ARL9: variants seen among roughly 807,000 people sequenced by gnomAD.
The protein encoded by ARL9 is ARF like GTPase 9.
In ARL9, 14 loss-of-function variants were observed where a neutral mutation model predicts 27.0. That is an observed-to-expected ratio of 0.52 (90% CI 0.34 to 0.81). The LOEUF (loss-of-function observed/expected upper bound fraction) is 0.81, where lower values mean the gene tolerates loss of function less well. Ranked by LOEUF, ARL9 falls within the 30% of genes least tolerant of loss-of-function variation. The probability of loss-of-function intolerance (pLI) is 0.01; values close to 1 mark genes in which losing one functional copy is unlikely to be tolerated. For synonymous variants in ARL9, 106 were observed against 108.7 expected, an observed-to-expected ratio of 0.98 and a Z score of 0.15; for missense variants, 294 against 290.0, an observed-to-expected ratio of 1.01 and a Z score of -0.10.
At chr4:56,513,029 C>G (rs1359171429) in intron 2 of ARL9, among the ~76,000 whole-genome samples, 1 of 152,208 alleles carries the variant, frequency 6.6e-6, no homozygotes, top group Non-Finnish European at 1.5e-5. Context: ...AACAAAAATG[C>G]ATTAAGTGCC....
chr4:56,518,678 T>C lies in ARL9; in HGVS notation c.443T>C (p.Ile148Thr). 1 of 1,611,562 alleles carries C rather than the reference T, an allele frequency of 6.2e-7. No individual in the cohort carries two copies. The highest frequency in any genetic ancestry group is 1.3e-5 in the African/African-American group (1 of 74,986). The part of the protein sequence containing the change: ...TEDSQMEFLE[I>T]GGSKPFRSYW... Reference sequence around the variant, plus strand: ...CTTCTTCCTCTACTATTCTCTGTAGTTGGTGGCAGTAAACCTTTTCGGTCC... The same window carrying C: ...CTTCTTCCTCTACTATTCTCTGTAGCTGGTGGCAGTAAACCTTTTCGGTCC... Residue 148 changes from isoleucine to threonine, a missense_variant and splice_region_variant, in exon 3 of 4, where the codon ATT becomes ACT. Ile to Thr is a moderately conservative substitution (Grantham distance 89, BLOSUM62 -1). Coordinates refer to ENST00000640821, the MANE Select transcript of ARL9 (RefSeq NM_001363794.2).
In ARL9 at chr4:56,518,756, C is replaced by T. The variant is rs1721837103; in HGVS notation, c.521C>T (p.Ser174Leu). Residue 174 changes from serine (S) to leucine (L), a missense_variant, in exon 3 of 4, where the codon TCA (serine) becomes TTA (leucine). Ser to Leu is a moderately radical substitution (Grantham distance 145). Coordinates refer to ENST00000640821, the MANE Select transcript of ARL9 (RefSeq NM_001363794.2). ...KGLLLIFVVD[S>L]ADHSRLPEAK... ...TTGCTGCTGATCTTTGTGGTGGATTCAGCAGATCACAGCCGATTACCTGAA... is the reference window on the plus strand; with the variant it reads ...TTGCTGCTGATCTTTGTGGTGGATTTAGCAGATCACAGCCGATTACCTGAA... The T allele has an allele frequency of 2.5e-6, 4 of 1,613,848 alleles. No homozygotes were observed. Among genetic ancestry groups the T allele is most frequent in the Non-Finnish European group, 3.4e-6 (4 of 1,179,888 alleles).
At chr4:56,505,582 C>A, upstream of ARL9, 1 of 585,982 alleles carries the variant, frequency 1.7e-6, no homozygotes, top group Admixed American at 2.3e-5. Flanking sequence ...CTGGTTGGGA[C>A]CTCTTGGTTT....
In ARL9 at chr4:56,524,010, G is replaced by C. The variant is rs928106437; in HGVS notation, c.*134G>C. ...TTTCTCAGTGCATGGGATGTATATA[G>C]TTAGCCCTCCATATCCATGGGTTCC... On this transcript the variant is annotated 3_prime_UTR_variant, in exon 4 of 4. Transcript: ENST00000640821. 2.6e-6 allele frequency: 2 copies of C among 758,670 alleles called. No individual in the cohort carries two copies. The highest frequency in any genetic ancestry group is 3.9e-6 in the Non-Finnish European group (2 of 517,890). The allele number at this position is 758,670 out of a possible 1,614,324, so 47.0% of individuals were successfully genotyped here.
At chr4:56,513,211 T>A (rs1357944442) in intron 2 of ARL9, among the ~76,000 whole-genome samples, 1 of 152,214 alleles carries the variant, frequency 6.6e-6, no homozygotes, top group Non-Finnish European at 1.5e-5. Context: ...AGGCTTTTTT[T>A]TAGGATGCAG....
At chr4:56,507,341 G>C (rs1488049194) in intron 1 of ARL9, among the ~76,000 whole-genome samples, 1 of 151,942 alleles carries the variant, frequency 6.6e-6, no homozygotes, top group Non-Finnish European at 1.5e-5. Context: ...TTGAGACAGA[G>C]TCTGGCTCTG....
At chr4:56,523,434 C>T (rs1005266607) in intron 3 of ARL9, among the ~76,000 whole-genome samples, 2 of 152,098 alleles carry the variant, frequency 1.3e-5, no homozygotes, top group Non-Finnish European at 1.5e-5. Context: ...TTGACTGCAC[C>T]GTTTAGAAAA....
At chr4:56,509,310 A>G (rs75700839) in intron 1 of ARL9, among the ~76,000 whole-genome samples, 19,274 of 142,224 alleles carry the variant, frequency 0.14, 1,565 homozygotes, top group East Asian at 0.29. Flanking sequence ...AGCAATTCTC[A>G]TGCCTCAGCC....
intron 2 of ARL9, among the ~76,000 whole-genome samples, chr4:56,514,844 A>C (rs1174841454): frequency 6.6e-6 from 1 of 152,216 alleles, no homozygotes; most frequent in Non-Finnish European, 1.5e-5. Flanking sequence ...ATAGTATAAG[A>C]AATGGAAATG....
chr4:56,514,266 T>G (rs1013810696), intron 2 of ARL9, among the ~76,000 whole-genome samples: 4 of 152,162 alleles, frequency 2.6e-5, no homozygotes, highest in Non-Finnish European at 4.4e-5. Context: ...GCTGAACACT[T>G]ATAGGTTAAA....
rs138908292 is a variant in ARL9 at position 56,506,786 on chromosome 4, TTGTGTG to T, written c.279+687_279+692del. 3.5e-3 allele frequency: 634 copies of T among 181,634 alleles called. 1 individual carries two copies. Among genetic ancestry groups the T allele is most frequent in the Middle Eastern group, 0.011 (4 of 368 alleles). 11.3% of individuals were successfully genotyped at this position (181,634 alleles called of 1,614,324 possible). On this transcript the variant is annotated intron_variant, in intron 1 of 3. Transcript: ENST00000640821. ...AAACAATTATGAATGATTAACACAGTTGTGTGTGTGTGTGTGTGTGTGTGTGTGTGT... is the reference window on the plus strand; with the variant it reads ...AAACAATTATGAATGATTAACACAGTTGTGTGTGTGTGTGTGTGTGTGTGT...
At chr4:56,506,397 C>T (rs1221851861) in intron 1 of ARL9, among the ~76,000 whole-genome samples, 4 of 152,156 alleles carry the variant, frequency 2.6e-5, no homozygotes, top group Non-Finnish European at 5.9e-5. Context: ...TGTTGAGGGA[C>T]AAGAGATCTC....
intron 1 of ARL9, among the ~76,000 whole-genome samples, chr4:56,510,354 CAAAA>C (rs769085578): frequency 4.0e-5 from 3 of 75,130 alleles, no homozygotes; most frequent in Admixed American, 1.5e-4. Flanking sequence ...GACTCCAACT[CAAAA>C]AAAAAAAAAA....
intron 2 of ARL9, among the ~76,000 whole-genome samples, chr4:56,515,415 T>A (rs1410583247): frequency 6.6e-6 from 1 of 152,164 alleles, no homozygotes; most frequent in Admixed American, 6.5e-5. Context: ...AAATGGGAAT[T>A]CCTTAACCTA....
At chr4:56,510,236 T>C (rs1401431728) in intron 1 of ARL9, among the ~76,000 whole-genome samples, 1 of 151,032 alleles carries the variant, frequency 6.6e-6, no homozygotes, top group Non-Finnish European at 1.5e-5. Context: ...GCTCCTGTAA[T>C]CTCAGCTACT....
chr4:56,506,750 G>C lies in ARL9; in HGVS notation c.279+609G>C, dbSNP rs1344119301. On this transcript the variant is annotated intron_variant, in intron 1 of 3. Transcript: ENST00000640821. ...AGCTGGCTCCTTGGCTTAGAGCTGC[G>C]CTCTGGTTCTAAACAATTATGAATG... is the stretch of plus-strand genomic sequence containing the variant. The C allele has an allele frequency of 1.2e-5, 10 of 859,000 alleles. No homozygotes were observed. The South Asian group carries it at 4.8e-4, about 41-fold the overall frequency. The allele number at this position is 859,000 out of a possible 1,614,324, so 53.2% of individuals were successfully genotyped here.
At chr4:56,508,547 C>G (rs541609409) in intron 1 of ARL9, among the ~76,000 whole-genome samples, 1 of 152,058 alleles carries the variant, frequency 6.6e-6, no homozygotes, top group Non-Finnish European at 1.5e-5. Context: ...CCACCACGCC[C>G]GGCTAATTTT....
rs2110158840 is a variant in ARL9, at chr4:56,523,885, C to T, written c.*9C>T. 6.2e-7 allele frequency: 1 copy of T among 1,610,224 alleles called. No individual in the cohort carries two copies. On this transcript the variant is annotated 3_prime_UTR_variant, in exon 4 of 4. Transcript: ENST00000640821. ...CTGCAGATGTGCAGTGACCAGGACT[C>T]AGCCCACTGTGCGGCTCACGACTGA...
chr4:56,514,174 AAAG>A (rs1274045140), intron 2 of ARL9, among the ~76,000 whole-genome samples: 3 of 152,214 alleles, frequency 2.0e-5, no homozygotes, highest in African/African-American at 7.2e-5. Context: ...GTGTCTCAAA[AAAG>A]AAGATGACAA....
Sources: allele counts gnomAD v4.1 joint callset (sites outside exome capture counted in the v4.1 genomes callset), GRCh38; gene constraint gnomAD v4.1.1; transcripts MANE v1.5; gene names NCBI Gene and HGNC (gene_info 2026-07-23, HGNC 2026-07-21).